GPC1: variants seen among roughly 807,000 people sequenced by gnomAD.
GPC1 encodes glypican 1, also known as glypican-1.
GPC1 carries 26 observed loss-of-function variants against 51.5 expected under a neutral mutation model. The observed-to-expected ratio is 0.50, with a 90% CI of 0.37 to 0.70. The LOEUF (loss-of-function observed/expected upper bound fraction) is 0.70. Among genes scored for constraint, GPC1 ranks in the 30% least tolerant of loss-of-function variants. The pLI is 0.00. For synonymous variants in GPC1, 380 were observed against 348.3 expected, an observed-to-expected ratio of 1.09 and a Z score of -1.01; for missense variants, 775 against 800.5, an observed-to-expected ratio of 0.97 and a Z score of 0.38.
At chr2:240,465,349 T>C (rs1439150857) in intron 7 of GPC1, 124 bp from the exon 8 acceptor site, 4 of 1,329,370 alleles carry the variant, frequency 3.0e-6, no homozygotes, top group Non-Finnish European at 4.1e-6. Context: ...CTGTGTGGGC[T>C]CTGCTCGGTC....
intron 1 of GPC1, chr2:240,450,142 G>A (rs755688430): frequency 2.0e-5 from 7 of 341,774 alleles, no homozygotes; most frequent in South Asian, 6.9e-5. Context: ...ATCTGCACTC[G>A]TCCCCTAATT....
chr2:240,454,960 C>T (rs1453402394), intron 1 of GPC1: 2 of 231,068 alleles, frequency 8.7e-6, no homozygotes, highest in Admixed American at 6.3e-5. Flanking sequence ...GTGCTGATGA[C>T]CAAGAGGAAA....
intron 1 of GPC1, among the ~76,000 whole-genome samples, chr2:240,455,467 CG>C (rs1296605384): frequency 6.6e-6 from 1 of 152,084 alleles, no homozygotes; most frequent in African/African-American, 2.4e-5. Flanking sequence ...CCTCCCTGCA[CG>C]GGGGGAAGGG....
chr2:240,464,366 T>C, intron 4 of GPC1: 2 of 510,654 alleles, frequency 3.9e-6, no homozygotes, highest in East Asian at 7.1e-5. Context: ...GCATGCAGAA[T>C]GGCCTCTGTG....
At chr2:240,456,109 C>T (rs1053878515) in intron 1 of GPC1, 10 of 282,292 alleles carry the variant, frequency 3.5e-5, no homozygotes, top group African/African-American at 1.2e-4. Context: ...GTCGCCGGGC[C>T]GGCTGGGCGA....
intron 4 of GPC1, 21 bp downstream of exon 4, chr2:240,463,533 G>A: frequency 1.2e-6 from 2 of 1,610,468 alleles, no homozygotes; most frequent in Non-Finnish European, 1.7e-6. Flanking sequence ...ACCCGCGAGA[G>A]CGGCCTGGAA....
intron 1 of GPC1, 36 bp from the exon 2 acceptor site, chr2:240,458,994 C>T (rs1461681743): frequency 6.2e-7 from 1 of 1,602,036 alleles, no homozygotes; most frequent in East Asian, 2.2e-5. Context: ...CAGTGCTGTC[C>T]CAGCCCCTCT....
Position 240,464,663 on chromosome 2 carries a change from G to A in GPC1, c.931G>A (p.Glu311Lys). 1.2e-6 allele frequency: 2 copies of A among 1,613,310 alleles called. No individual in the cohort carries two copies. Among genetic ancestry groups the A allele is most frequent in the Non-Finnish European group, 1.7e-6 (2 of 1,179,922 alleles). Residue 311 changes from glutamate to lysine, a missense_variant, in exon 5 of 9, where the codon GAG becomes AAG. Coordinates refer to ENST00000264039, the MANE Select transcript of GPC1 (RefSeq NM_002081.3). ...CAAGTTCTGGGGTACATCGGGTGTG[G>A]AGAGTGTCATCGGCAGCGTGCACAC... is the stretch of plus-strand genomic sequence containing the variant. ...TDKFWGTSGV[E>K]SVIGSVHTWL... is the part of the protein sequence containing the mutation.
In GPC1 at chr2:240,459,228, C is replaced by A. The variant is rs34180864; in HGVS notation, c.325+40C>A. ...CGGGCGCTCGGGGCCCGCAGGGTGC[C>A]GGTGCATCGGGGGAGGGGCACACTG... On this transcript the variant is annotated intron_variant, in intron 2 of 8. Coordinates refer to ENST00000264039, the MANE Select transcript of GPC1 (RefSeq NM_002081.3). 100 of 1,583,198 alleles carry A rather than the reference C, an allele frequency of 6.3e-5. 1 individual carries two copies. Among genetic ancestry groups the A allele is most frequent in the Non-Finnish European group, 8.1e-5 (94 of 1,161,662 alleles).
At chr2:240,447,169 AC>A (rs1350241190) in intron 1 of GPC1, among the ~76,000 whole-genome samples, 1 of 151,990 alleles carries the variant, frequency 6.6e-6, no homozygotes, top group African/African-American at 2.4e-5. Flanking sequence ...TTAAGGCTGG[AC>A]CCCAGAGCCA....
chr2:240,464,555 G>T lies in GPC1; in HGVS notation c.884-61G>T, dbSNP rs563242143. On this transcript the variant is annotated intron_variant, in intron 4 of 8. Transcript: ENST00000264039. ...CACACGTGGTGACGCCTGCGTGTGC[G>T]TGTCAACGCCTGTGTGCGCGCGTTA... 2.7e-5 allele frequency: 8 copies of T among 298,530 alleles called. No homozygotes were observed. In the East Asian group the frequency reaches 3.3e-4, roughly 12 times the overall value. 18.5% of individuals were successfully genotyped at this position (298,530 alleles called of 1,614,324 possible). A position where few individuals can be genotyped will look rare whatever the true frequency, so the allele number is the denominator to read the frequency against.
chr2:240,463,321 C>G, intron 3 of GPC1, 26 bp from the exon 4 acceptor site: 2 of 1,608,584 alleles, frequency 1.2e-6, no homozygotes, highest in Non-Finnish European at 1.7e-6. Flanking sequence ...GCCTCGGGGC[C>G]TGGCTTAGGG....
chr2:240,466,184 A>G lies in GPC1; in HGVS notation c.1571A>G (p.Gln524Arg), dbSNP rs2074260282. ...CATGCCCTCCCAGGCCTGTCAGAGC[A>G]GGAAGGACAGAAGACCTCGGCTGCC... Reference protein sequence around the residue: ...LTHALPGLSEQEGQKTSAASC... With the variant: ...LTHALPGLSEREGQKTSAASC... The change falls in exon 9 of 9, where the codon CAG (glutamine) becomes CGG (arginine). Residue 524 changes from glutamine to arginine, a missense_variant. Physicochemically the swap from Gln to Arg is conservative, Grantham distance 43 (BLOSUM62 1). Transcript: ENST00000264039. 1 of 1,612,870 alleles carries G rather than the reference A, an allele frequency of 6.2e-7. No individual in the cohort carries two copies. The highest frequency in any genetic ancestry group is 8.5e-7 in the Non-Finnish European group (1 of 1,179,438).
At chr2:240,463,866 G>A in intron 4 of GPC1, 1 of 314,984 alleles carries the variant, frequency 3.2e-6, no homozygotes, top group Non-Finnish European at 6.0e-6. Flanking sequence ...TCACATGACA[G>A]GCTGACACAT....
At chr2:240,457,393 G>T (rs2074176180) in intron 1 of GPC1, 2 of 464,084 alleles carry the variant, frequency 4.3e-6, no homozygotes, top group South Asian at 3.1e-5. Context: ...CTTGTCTCGG[G>T]CTCCTCCCTG....
intron 1 of GPC1, chr2:240,457,537 G>T (rs1020139430): frequency 6.6e-6 from 3 of 454,764 alleles, no homozygotes; most frequent in South Asian, 3.1e-5. Flanking sequence ...TGGACCCCAG[G>T]CCTGAGGGGT....
chr2:240,445,204 G>T lies in GPC1; in HGVS notation c.166+9120G>T, dbSNP rs148403492. On this transcript the variant is annotated intron_variant, in intron 1 of 8. Transcript: ENST00000264039. ...CAGGATGGTAGGTGTTAGAACAGGT[G>T]CCTCCCTGTTCTATGTGCGTGGCCT... 3.7e-4 allele frequency among the ~76,000 whole-genome samples: 56 copies of T among 152,288 alleles called. No homozygotes were observed. The East Asian group carries it at 0.011, about 29-fold the overall frequency.
chr2:240,439,189 T>C (rs1052899521), intron 1 of GPC1, among the ~76,000 whole-genome samples: 1 of 152,030 alleles, frequency 6.6e-6, no homozygotes, highest in East Asian at 1.9e-4. Flanking sequence ...CTCTAACTGT[T>C]TCCCTGTTGT....
chr2:240,446,152 C>T (rs58375515), intron 1 of GPC1, among the ~76,000 whole-genome samples: 1 of 152,256 alleles, frequency 6.6e-6, no homozygotes, highest in African/African-American at 2.4e-5. Context: ...TGTGTCTGCG[C>T]CCAGGAGGGC....
Sources: gnomAD v4.1 joint callset for allele counts (sites outside exome capture counted in the v4.1 genomes callset) on GRCh38, gnomAD v4.1.1 for gene constraint, MANE v1.5 for transcripts, NCBI Gene and HGNC (gene_info 2026-07-23, HGNC 2026-07-21) for gene names.